The following TOX variants were observed in gnomAD, a reference collection of about 807,000 sequenced individuals.
The protein encoded by TOX is thymocyte selection-associated high mobility group box protein TOX.
A neutral mutation model predicts 53.7 loss-of-function variants in TOX; 11 were observed. That is an observed-to-expected ratio of 0.20 (90% CI 0.13 to 0.34). The LOEUF is 0.34. TOX is among the 10% of genes least tolerant of loss of function. The pLI is 1.00. For synonymous variants in TOX, 225 were observed against 245.3 expected, an observed-to-expected ratio of 0.92 and a Z score of 0.77; for missense variants, 570 against 664.6, an observed-to-expected ratio of 0.86 and a Z score of 1.56.
At chr8:58,835,983 G>T (rs1810538788) in intron 5 of TOX, among the ~76,000 whole-genome samples, 1 of 152,198 alleles carries the variant, frequency 6.6e-6, no homozygotes. Flanking sequence ...AGATGAACAA[G>T]AATTGCTGTA....
chr8:58,972,937 C>A (rs935339995), intron 1 of TOX, among the ~76,000 whole-genome samples: 3 of 152,170 alleles, frequency 2.0e-5, no homozygotes, highest in Non-Finnish European at 4.4e-5. Context: ...ATAAACGAGT[C>A]TTGTTTCCAA....
chr8:58,897,984 T>C (rs76450109), intron 3 of TOX, among the ~76,000 whole-genome samples: 3,408 of 152,280 alleles, frequency 0.022, 137 homozygotes, highest in African/African-American at 0.077. Context: ...AAACTAATAA[T>C]TGGGTTCTAA....
At chr8:58,869,551 C>G (rs1380141748) in intron 3 of TOX, among the ~76,000 whole-genome samples, 1 of 152,030 alleles carries the variant, frequency 6.6e-6, no homozygotes, top group Non-Finnish European at 1.5e-5. Context: ...CAGTATTACT[C>G]TAATATTAAA....
chr8:58,820,472 A>G (rs1810255789), intron 6 of TOX, among the ~76,000 whole-genome samples: 1 of 152,200 alleles, frequency 6.6e-6, no homozygotes, highest in South Asian at 2.1e-4. Context: ...GAAGTTGTAC[A>G]CTTATTTCAA....
intron 1 of TOX, among the ~76,000 whole-genome samples, chr8:59,063,522 C>A (rs1490324601): frequency 6.7e-6 from 1 of 149,400 alleles, no homozygotes; most frequent in East Asian, 2.0e-4. Flanking sequence ...CTCCCGGGTT[C>A]AAGTGATTCT....
chr8:59,021,481 A>AAATATATATATATATATATATAT (rs59174995), intron 1 of TOX, among the ~76,000 whole-genome samples: 5 of 64,730 alleles, frequency 7.7e-5, no homozygotes, highest in African/African-American at 2.6e-4. Context: ...AAAAAAAAAA[A>AAATATATATATATATATATATAT]ATATATATAT....
chr8:59,115,974 A>T (rs898830142), intron 1 of TOX, among the ~76,000 whole-genome samples: 19 of 152,194 alleles, frequency 1.2e-4, no homozygotes, highest in African/African-American at 3.9e-4. Flanking sequence ...TCTATAGAGC[A>T]GCAGTGCCGG....
At chr8:58,948,028 G>C (rs532112216) in intron 2 of TOX, among the ~76,000 whole-genome samples, 2 of 152,188 alleles carry the variant, frequency 1.3e-5, no homozygotes, top group African/African-American at 2.4e-5. Context: ...TGGAACTGGG[G>C]AGTAAGGTAA....
At position 58,838,069 on chromosome 8, in the gene TOX, G is replaced by C; in HGVS notation, c.924+12C>G. 1 of 1,611,762 alleles carries C rather than the reference G, an allele frequency of 6.2e-7. No individual in the cohort carries two copies. Among genetic ancestry groups the C allele is most frequent in the Non-Finnish European group, 8.5e-7 (1 of 1,178,170 alleles). On this transcript the variant is annotated intron_variant, in intron 5 of 8. Transcript: ENST00000361421. ...GCTTATGTAGATTCCCATTCCACTG[G>C]GAATCCCTTACCTGTTTTTGCTCTT...
At chr8:59,030,438 T>C (rs541930935) in intron 1 of TOX, among the ~76,000 whole-genome samples, 4 of 152,316 alleles carry the variant, frequency 2.6e-5, no homozygotes, top group South Asian at 4.1e-4. Context: ...TCCCAGCCTT[T>C]TATTTAATAT....
chr8:58,914,458 T>A (rs1404938293), intron 3 of TOX, among the ~76,000 whole-genome samples: 1 of 152,184 alleles, frequency 6.6e-6, no homozygotes, highest in African/African-American at 2.4e-5. Flanking sequence ...AAATTGTCTG[T>A]CTAGAGCAGT....
At chr8:59,099,691 T>C (rs1586019029) in intron 1 of TOX, among the ~76,000 whole-genome samples, 1 of 152,370 alleles carries the variant, frequency 6.6e-6, no homozygotes, top group East Asian at 1.9e-4. Flanking sequence ...AAGGTGATTA[T>C]ATTTTAACTA....
chr8:59,046,806 C>A (rs1803690843), intron 1 of TOX, among the ~76,000 whole-genome samples: 1 of 126,404 alleles, frequency 7.9e-6, no homozygotes, highest in Non-Finnish European at 1.6e-5. Context: ...TTGCAGTAAG[C>A]CAAGATTGTG....
intron 4 of TOX, among the ~76,000 whole-genome samples, chr8:58,840,115 T>C (rs1364990217): frequency 6.6e-6 from 1 of 152,238 alleles, no homozygotes; most frequent in Non-Finnish European, 1.5e-5. Context: ...AATATTAATA[T>C]GTGATACCTT....
intron 1 of TOX, among the ~76,000 whole-genome samples, chr8:59,071,773 T>C (rs1428143565): frequency 1.3e-5 from 2 of 152,232 alleles, no homozygotes; most frequent in Admixed American, 6.5e-5. Context: ...TATGGATCTA[T>C]ATCTACTCAT....
At chr8:59,026,730 A>C (rs927301374) in intron 1 of TOX, among the ~76,000 whole-genome samples, 14 of 152,178 alleles carry the variant, frequency 9.2e-5, no homozygotes, top group Non-Finnish European at 1.3e-4. Flanking sequence ...TAAAGTTTCA[A>C]GTCATCCAAA....
chr8:58,946,117 C>A (rs1244356728), intron 2 of TOX, among the ~76,000 whole-genome samples: 1 of 152,116 alleles, frequency 6.6e-6, no homozygotes, highest in Non-Finnish European at 1.5e-5. Flanking sequence ...CAAACATATA[C>A]ATAATGCACT....
intron 3 of TOX, among the ~76,000 whole-genome samples, chr8:58,852,696 C>T (rs1422373467): frequency 6.6e-6 from 1 of 152,028 alleles, no homozygotes; most frequent in Non-Finnish European, 1.5e-5. Flanking sequence ...TTTCATGGTG[C>T]TTATTGGAGC....
Position 58,973,961 on chromosome 8 carries a change from C to A in TOX, c.103-13953G>T, listed in dbSNP as rs556016488. On this transcript the variant is annotated intron_variant, in intron 1 of 8. Transcript: ENST00000361421. Reference sequence around the variant, plus strand: ...GACAGTCATGCACCACCATGCCTGGCTAATTTTTGTGTTTTTAGTAGGGAT... The same window carrying A: ...GACAGTCATGCACCACCATGCCTGGATAATTTTTGTGTTTTTAGTAGGGAT... Among the ~76,000 whole-genome samples, 12 of 152,186 alleles carry A rather than the reference C, an allele frequency of 7.9e-5. No individual in the cohort carries two copies. The South Asian group carries it at 2.3e-3, about 29-fold the overall frequency.
Sources: allele counts gnomAD v4.1 joint callset (sites outside exome capture counted in the v4.1 genomes callset), GRCh38; gene constraint gnomAD v4.1.1; transcripts MANE v1.5; gene names NCBI Gene and HGNC (gene_info 2026-07-23, HGNC 2026-07-21).